Variants in NEK10 observed in about 807,000 individuals in gnomAD.
NEK10 encodes the protein NIMA related kinase 10.
In NEK10, 122 loss-of-function variants were observed where a neutral mutation model predicts 159.8. That is an observed-to-expected ratio of 0.76 (90% CI 0.66 to 0.89). The LOEUF (loss-of-function observed/expected upper bound fraction) is 0.89, where lower values mean the gene tolerates loss of function less well. NEK10 is among the 40% of genes least tolerant of loss of function. The pLI, the probability that NEK10 is intolerant of heterozygous loss-of-function variation, is 0.00. For missense variants in NEK10, 1,342 were observed against 1,323.1 expected (o/e 1.01, Z -0.22); for synonymous variants, 466 against 457.1 (o/e 1.02, Z -0.25).
intron 26 of NEK10, among the ~76,000 whole-genome samples, chr3:27,189,763 G>C (rs532937822): frequency 6.6e-6 from 1 of 151,888 alleles, no homozygotes; most frequent in Admixed American, 6.6e-5. Context: ...GTTAACATTT[G>C]GTTAACCTTG....
chr3:27,238,697 A>AGC (rs1954220209), intron 23 of NEK10, among the ~76,000 whole-genome samples: 1 of 151,444 alleles, frequency 6.6e-6, no homozygotes, highest in Non-Finnish European at 1.5e-5. Context: ...CAACAAATAC[A>AGC]TTACTGTATT....
At chr3:27,207,539 C>A (rs1054213543) in intron 23 of NEK10, among the ~76,000 whole-genome samples, 4 of 151,998 alleles carry the variant, frequency 2.6e-5, no homozygotes, top group African/African-American at 9.7e-5. Flanking sequence ...AAGACTATTA[C>A]GAAGTCTATT....
rs1274299217 is a variant in NEK10, at chr3:27,108,726, T to C, written c.*2546A>G. On this transcript the variant is annotated 3_prime_UTR_variant, in exon 36 of 36. Coordinates refer to ENST00000691995, the MANE Select transcript of NEK10 (RefSeq NM_001394966.1). Reference sequence around the variant, plus strand: ...TCATGTAACAACTCCTTTGCACTAATAGACAGTTTGGAGAATCAAAACAAA... The same window carrying C: ...TCATGTAACAACTCCTTTGCACTAACAGACAGTTTGGAGAATCAAAACAAA... Among the ~76,000 whole-genome samples, 3 of 152,176 alleles carry C rather than the reference T, an allele frequency of 2.0e-5. No individual in the cohort carries two copies. The highest frequency in any genetic ancestry group is 6.5e-5 in the Admixed American group (1 of 15,274).
chr3:27,348,561 G>C (rs1403200150), intron 3 of NEK10, among the ~76,000 whole-genome samples: 3 of 152,130 alleles, frequency 2.0e-5, no homozygotes, highest in Non-Finnish European at 4.4e-5. Context: ...TCTATCTTCT[G>C]TGTGTCTGAT....
chr3:27,253,941 G>C (rs1955915142), intron 23 of NEK10, among the ~76,000 whole-genome samples: 1 of 152,124 alleles, frequency 6.6e-6, no homozygotes, highest in African/African-American at 2.4e-5. Context: ...TCTCTGCCTG[G>C]AATGCCCCAG....
In NEK10 at chr3:27,192,252, C is replaced by T. The variant is rs758909475; in HGVS notation, c.2292-10G>A. On this transcript the variant is annotated splice_polypyrimidine_tract_variant and intron_variant, in intron 25 of 35. Transcript: ENST00000691995. ...ATCAGGAGTGAGGCACCTAAGATAACATGAGATAATTATAACACTCTGGTC... is the reference window on the plus strand; with the variant it reads ...ATCAGGAGTGAGGCACCTAAGATAATATGAGATAATTATAACACTCTGGTC... The T allele has an allele frequency of 2.7e-5, 44 of 1,605,922 alleles. 1 individual carries two copies. In the Admixed American group the frequency reaches 7.3e-4, roughly 27 times the overall value.
chr3:27,206,439 G>A (rs958454892), intron 23 of NEK10: 1 of 179,460 alleles, frequency 5.6e-6, no homozygotes, highest in Non-Finnish European at 1.1e-5. Context: ...GAATAAAGGA[G>A]GTCTGGAGAG....
intron 5 of NEK10, among the ~76,000 whole-genome samples, chr3:27,333,182 G>A (rs1464427974): frequency 6.6e-6 from 1 of 152,132 alleles, no homozygotes; most frequent in African/African-American, 2.4e-5. Context: ...TACAGGGAAA[G>A]GGTGAGTGAG....
rs368744949 is a variant in NEK10, at chr3:27,297,117, C to A, written c.1230+62G>T. The stretch of plus-strand genomic sequence containing the variant: ...CCTATGTTCTGGGATACAGACTGCA[C>A]CACAAGGTGAGTTGATTATGAATGG... On this transcript the variant is annotated intron_variant, in intron 14 of 35. Transcript: ENST00000691995. 1.2e-5 allele frequency: 13 copies of A among 1,053,622 alleles called. No homozygotes were observed. The East Asian group carries it at 3.1e-4, about 25-fold the overall frequency. The allele number at this position is 1,053,622 out of a possible 1,614,324, so 65.3% of individuals were successfully genotyped here.
chr3:27,284,541 ACTACT>A (rs1451114244), intron 22 of NEK10, 56 bp downstream of exon 22: 1 of 942,606 alleles, frequency 1.1e-6, no homozygotes, highest in Non-Finnish European at 1.7e-6. Flanking sequence ...ACTGGACACT[ACTACT>A]CTAGGATAGT....
At chr3:27,137,566 T>G (rs1397445355) in intron 31 of NEK10, among the ~76,000 whole-genome samples, 1 of 152,222 alleles carries the variant, frequency 6.6e-6, no homozygotes, top group African/African-American at 2.4e-5. Context: ...TATAACCACT[T>G]TACTCAATAT....
intron 10 of NEK10, 68 bp from the exon 11 acceptor site, chr3:27,308,013 T>C: frequency 1.3e-6 from 1 of 778,096 alleles, no homozygotes. Flanking sequence ...TAGTCCTTTT[T>C]CAAACTGGTA....
intron 22 of NEK10, among the ~76,000 whole-genome samples, chr3:27,258,530 T>C (rs913216834): frequency 6.6e-6 from 1 of 152,086 alleles, no homozygotes; most frequent in African/African-American, 2.4e-5. Flanking sequence ...TTCATCCATG[T>C]CCTCCAAAGA....
At chr3:27,131,662 AAAT>A (rs940330436) in intron 32 of NEK10, among the ~76,000 whole-genome samples, 2 of 152,228 alleles carry the variant, frequency 1.3e-5, no homozygotes, top group African/African-American at 4.8e-5. Flanking sequence ...AAACATACAA[AAAT>A]ACTGAAAAAG....
chr3:27,257,480 T>C lies in NEK10; in HGVS notation c.2015-1109A>G, dbSNP rs771048434. Among the ~76,000 whole-genome samples, 108 of 152,318 alleles carry C rather than the reference T, an allele frequency of 7.1e-4. 1 individual carries two copies. The highest frequency in any genetic ancestry group is 1.9e-3 in the South Asian group (9 of 4,832). On this transcript the variant is annotated intron_variant, in intron 22 of 35. Transcript: ENST00000691995. ...CAGTATTTGATTATATATACTAAAA[T>C]ACCTTTCAGGTCAAAAATATTCCAA...
At position 27,296,079 on chromosome 3, in the gene NEK10, CCA is replaced by C. The variant is rs1334232134; in HGVS notation, c.1231-391_1231-390del. On this transcript the variant is annotated intron_variant, in intron 14 of 35. Coordinates refer to ENST00000691995, the MANE Select transcript of NEK10 (RefSeq NM_001394966.1). ...CAACCATAAAGGGAGAAATTATATT[CCA>C]GTTATTAATTTATGTCTTTATTATA... 1.2e-4 allele frequency among the ~76,000 whole-genome samples: 19 copies of C among 152,064 alleles called. No individual in the cohort carries two copies. The East Asian group carries it at 3.7e-3, about 29-fold the overall frequency.
chr3:27,121,185 T>C (rs1367698509), intron 32 of NEK10, among the ~76,000 whole-genome samples: 1 of 152,066 alleles, frequency 6.6e-6, no homozygotes, highest in African/African-American at 2.4e-5. Flanking sequence ...AAAACCCCAA[T>C]TGTCCGTGGA....
At chr3:27,113,131 T>G (rs1939812183) in intron 35 of NEK10, among the ~76,000 whole-genome samples, 1 of 152,152 alleles carries the variant, frequency 6.6e-6, no homozygotes, top group South Asian at 2.1e-4. Flanking sequence ...GTTCTATCAT[T>G]GCTATTAGAA....
chr3:27,308,022 T>C (rs1251911263), intron 10 of NEK10, 77 bp from the exon 11 acceptor site: 9 of 730,156 alleles, frequency 1.2e-5, no homozygotes, highest in East Asian at 1.0e-4. Context: ...TTCAAACTGG[T>C]ATAAAGAACT....
Sources: allele counts gnomAD v4.1 joint callset (sites outside exome capture counted in the v4.1 genomes callset), GRCh38; gene constraint gnomAD v4.1.1; transcripts MANE v1.5; gene names NCBI Gene and HGNC (gene_info 2026-07-23, HGNC 2026-07-21).